IGSF3: variants seen among roughly 807,000 people sequenced by gnomAD.
IGSF3 encodes the protein glu-Trp-Ile EWI motif-containing protein 3.
Under a neutral mutation model 114.4 loss-of-function variants are expected in IGSF3, and 23 were observed. The observed-to-expected ratio is 0.20, with a 90% CI of 0.14 to 0.28. The LOEUF is 0.28. Ranked by LOEUF, IGSF3 falls within the 10% of genes least tolerant of loss-of-function variation. The pLI is 1.00. For missense variants in IGSF3, 1,172 were observed against 1,591.5 expected (o/e 0.74, Z 4.48); for synonymous variants, 571 against 645.2 (o/e 0.88, Z 1.74).
At chr1:116,617,442 G>A (rs1661266504) in intron 2 of IGSF3, 1 of 819,414 alleles carries the variant, frequency 1.2e-6, no homozygotes, top group South Asian at 5.6e-5. Context: ...GCGCAGGTGA[G>A]TTACAGGCGC....
rs561009839 is a variant in IGSF3, at chr1:116,666,569, G to C, written c.-243C>G. On this transcript the variant is annotated 5_prime_UTR_variant, in exon 2 of 11. Coordinates refer to ENST00000369486, the MANE Select transcript of IGSF3 (RefSeq NM_001007237.3). Reference sequence around the variant, plus strand: ...AAGGGTCCACAACAATTCGGAAGTCGCTCCCGGCTCCTGCCACATCGTGTG... The same window carrying C: ...AAGGGTCCACAACAATTCGGAAGTCCCTCCCGGCTCCTGCCACATCGTGTG... 3.3e-6 allele frequency: 2 copies of C among 599,244 alleles called. No homozygotes were observed. The highest frequency in any genetic ancestry group is 3.0e-5 in the Admixed American group (1 of 33,688). The allele number at this position is 599,244 out of a possible 1,614,324, so 37.1% of individuals were successfully genotyped here.
chr1:116,621,019 A>C (rs1661398339), intron 2 of IGSF3, among the ~76,000 whole-genome samples: 1 of 152,166 alleles, frequency 6.6e-6, no homozygotes, highest in South Asian at 2.1e-4. Flanking sequence ...GTGGGAGGTG[A>C]CCGGATCACA....
At chr1:116,578,298 T>A (rs1557852061) in intron 10 of IGSF3, among the ~76,000 whole-genome samples, 1 of 152,206 alleles carries the variant, frequency 6.6e-6, no homozygotes, top group East Asian at 1.9e-4. Flanking sequence ...ACATCCACAA[T>A]GGACAGGTAA....
intron 4 of IGSF3, among the ~76,000 whole-genome samples, chr1:116,611,485 G>C (rs371128120): frequency 6.6e-6 from 1 of 152,026 alleles, no homozygotes; most frequent in Non-Finnish European, 1.5e-5. Context: ...AAAACTCTTG[G>C]CTCACAGAGT....
chr1:116,641,033 C>T (rs1412971896), intron 2 of IGSF3, among the ~76,000 whole-genome samples: 1 of 152,128 alleles, frequency 6.6e-6, no homozygotes, highest in East Asian at 1.9e-4. Flanking sequence ...TGGGAATACA[C>T]CAGGTGTTCC....
At chr1:116,646,070 A>G (rs1446759191) in intron 2 of IGSF3, among the ~76,000 whole-genome samples, 3 of 152,090 alleles carry the variant, frequency 2.0e-5, no homozygotes, top group Non-Finnish European at 4.4e-5. Flanking sequence ...CACTTCCTCT[A>G]CCCTAATGAG....
Position 116,603,134 on chromosome 1 carries a change from A to G in IGSF3, c.1624+490T>C, listed in dbSNP as rs1660661517. ...GGCAGGAACATAGTAAATGCTAAAT[A>G]AATGACAACAGATGATTTTATACCC... On this transcript the variant is annotated intron_variant, in intron 6 of 10. Transcript: ENST00000369486. This position sits in a 1 kb window ranked among gnomAD's most constrained non-coding sequence, Gnocchi z 7.1. 6.6e-6 allele frequency among the ~76,000 whole-genome samples: 1 copy of G among 152,238 alleles called. No homozygotes were observed. Among genetic ancestry groups the G allele is most frequent in the African/African-American group, 2.4e-5 (1 of 41,454 alleles).
At chr1:116,591,857 G>A (rs1473067123) in intron 7 of IGSF3, among the ~76,000 whole-genome samples, 2 of 152,208 alleles carry the variant, frequency 1.3e-5, no homozygotes, top group African/African-American at 4.8e-5. Context: ...AGAGACCACA[G>A]GTGTTTTCAT....
chr1:116,620,036 A>C (rs191237553), intron 2 of IGSF3, among the ~76,000 whole-genome samples: 15 of 152,346 alleles, frequency 9.8e-5, no homozygotes, highest in Non-Finnish European at 5.9e-5. Context: ...AAAAATAAAA[A>C]TAATGCATGT....
rs1244863960 is a variant in IGSF3, at chr1:116,600,063, C to T, written c.1907G>A (p.Ser636Asn). 2 of 1,614,104 alleles carry T rather than the reference C, an allele frequency of 1.2e-6. No individual in the cohort carries two copies. The highest frequency in any genetic ancestry group is 1.7e-6 in the Non-Finnish European group (2 of 1,180,056). ...NNVRLSISRA[S>N]DTEAGKYQCV... ...CTGGTACTTGCCTGCTTCCGTGTCA[C>T]TGGCTCGGCTGATGCTTAGGCGGAC... The change falls in exon 7 of 11, where the codon AGT (serine) becomes AAT (asparagine). Residue 636 changes from serine (S) to asparagine (N), a missense_variant. Ser to Asn is a conservative substitution (Grantham distance 46). Coordinates refer to ENST00000369486, the MANE Select transcript of IGSF3 (RefSeq NM_001007237.3). This position sits in a 1 kb window ranked among gnomAD's most constrained non-coding sequence, Gnocchi z 5.5.
intron 7 of IGSF3, 34 bp downstream of exon 7, chr1:116,599,907 A>T (rs756042885): frequency 1.9e-6 from 3 of 1,584,104 alleles, no homozygotes. Context: ...CTCAGGCAGC[A>T]TGGGCACATA....
Position 116,621,878 on chromosome 1 carries a change from T to C in IGSF3, c.44-5421A>G, listed in dbSNP as rs542514833. Among the ~76,000 whole-genome samples, 9 of 152,358 alleles carry C rather than the reference T, an allele frequency of 5.9e-5. No individual in the cohort carries two copies. The South Asian group carries it at 6.2e-4, about 11-fold the overall frequency. On this transcript the variant is annotated intron_variant, in intron 2 of 10. Coordinates refer to ENST00000369486, the MANE Select transcript of IGSF3 (RefSeq NM_001007237.3). ...ACCACTTAACTAGTTTTTCAAGATA[T>C]TTCTTGTTCAAAGATGCTCCCACTT...
Position 116,606,133 on chromosome 1 carries a change from G to A in IGSF3, c.1222+1809C>T, listed in dbSNP as rs1427876609. ...TCTGGATTAAGTGAAAACTAGGACA[G>A]AACTAATAAAAATCTGAGTACACAT... is the stretch of plus-strand genomic sequence containing the variant. On this transcript the variant is annotated intron_variant, in intron 5 of 10. Coordinates refer to ENST00000369486, the MANE Select transcript of IGSF3 (RefSeq NM_001007237.3). Among the ~76,000 whole-genome samples the A allele has an allele frequency of 1.1e-4, 17 of 152,376 alleles. No homozygotes were observed. The South Asian group carries it at 3.1e-3, about 28-fold the overall frequency.
intron 6 of IGSF3, among the ~76,000 whole-genome samples, chr1:116,602,744 T>C (rs1010401034): frequency 2.6e-5 from 4 of 152,230 alleles, no homozygotes; most frequent in Admixed American, 6.5e-5. Context: ...GGACAACCGA[T>C]GTCTCCTGAT....
In IGSF3 at chr1:116,607,460, T is replaced by TA. The variant is rs1490993567; in HGVS notation, c.1222+481dup. 6.6e-6 allele frequency among the ~76,000 whole-genome samples: 1 copy of TA among 152,240 alleles called. No individual in the cohort carries two copies. The highest frequency in any genetic ancestry group is 1.5e-5 in the Non-Finnish European group (1 of 68,044). On this transcript the variant is annotated intron_variant, in intron 5 of 10. Coordinates refer to ENST00000369486, the MANE Select transcript of IGSF3 (RefSeq NM_001007237.3). This position sits in a 1 kb window ranked among gnomAD's most constrained non-coding sequence, Gnocchi z 6.1. Reference sequence around the variant, plus strand: ...AGCCATTTAGGGAAATGCCAGCCTTTATACCTGAAAAACCCAGATGGCAAA... The same window carrying TA: ...AGCCATTTAGGGAAATGCCAGCCTTTAATACCTGAAAAACCCAGATGGCAAA...
In IGSF3 at chr1:116,625,329, A is replaced by G. The variant is rs1246293171; in HGVS notation, c.44-8872T>C. On this transcript the variant is annotated intron_variant, in intron 2 of 10. Transcript: ENST00000369486. This position sits in a 1 kb window ranked among gnomAD's most constrained non-coding sequence, Gnocchi z 4.7. ...CTTTCAGAAAGTGAAAGCATTCAAA[A>G]AGCCTTCAAAAAAGCAGTGACATCT... 1.3e-5 allele frequency among the ~76,000 whole-genome samples: 2 copies of G among 152,248 alleles called. No homozygotes were observed. The highest frequency in any genetic ancestry group is 2.9e-5 in the Non-Finnish European group (2 of 68,042).
rs12070996 is a variant in IGSF3, at chr1:116,592,841, G to C, written c.2030-3737C>G. Among the ~76,000 whole-genome samples the C allele has an allele frequency of 0.026, 3,906 of 152,246 alleles. 160 individuals are homozygous for C. Among genetic ancestry groups the C allele is most frequent in the African/African-American group, 0.089 (3,700 of 41,512 alleles). ...ATCATTGTTAAACTAATCAATGAAT[G>C]GTTGAATAAATGTGGTTACTTTTCA... On this transcript the variant is annotated intron_variant, in intron 7 of 10. Transcript: ENST00000369486. This position sits in a 1 kb window ranked among gnomAD's most constrained non-coding sequence, Gnocchi z 4.5.
At chr1:116,641,876 T>C (rs1488988641) in intron 2 of IGSF3, among the ~76,000 whole-genome samples, 2 of 151,382 alleles carry the variant, frequency 1.3e-5, no homozygotes, top group East Asian at 3.9e-4. Flanking sequence ...TGAGACTGGG[T>C]CTGATTCTGT....
intron 2 of IGSF3, among the ~76,000 whole-genome samples, chr1:116,639,389 CT>C (rs1647980352): frequency 6.6e-6 from 1 of 152,224 alleles, no homozygotes; most frequent in Non-Finnish European, 1.5e-5. Flanking sequence ...TCTACTGTGC[CT>C]TTGCAAAGCC....
Sources: allele counts gnomAD v4.1 joint callset (sites outside exome capture counted in the v4.1 genomes callset), GRCh38; gene constraint gnomAD v4.1.1; non-coding constraint Gnocchi (gnomAD v3.1); transcripts MANE v1.5; gene names NCBI Gene and HGNC (gene_info 2026-07-23, HGNC 2026-07-21).